Variants in KCNH7 observed in about 807,000 individuals in gnomAD.
The protein encoded by KCNH7 is potassium voltage-gated channel subfamily H member 7.
A neutral mutation model predicts 120.8 loss-of-function variants in KCNH7; 49 were observed. That is an observed-to-expected ratio of 0.41 (90% CI 0.32 to 0.51). The LOEUF is 0.51. Among genes scored for constraint, KCNH7 ranks in the 20% least tolerant of loss-of-function variants. KCNH7 has a pLI of 0.38. For synonymous variants in KCNH7, 547 were observed against 516.1 expected (o/e 1.06, Z -0.81); for missense variants, 1,097 against 1,446.6 (o/e 0.76, Z 3.92).
intron 2 of KCNH7, among the ~76,000 whole-genome samples, chr2:162,763,025 G>A (rs1689019602): frequency 6.6e-6 from 1 of 152,066 alleles, no homozygotes; most frequent in Non-Finnish European, 1.5e-5. Context: ...GGATAGAACA[G>A]AGATAATGAG....
chr2:162,486,744 T>A (rs1690108898), intron 6 of KCNH7, among the ~76,000 whole-genome samples: 1 of 152,148 alleles, frequency 6.6e-6, no homozygotes, highest in Admixed American at 6.6e-5. Flanking sequence ...TCCTAAAAAA[T>A]CACCCCCATA....
rs114597562 is a variant in KCNH7, at chr2:162,717,442, G to C, written c.307+119095C>G. Among the ~76,000 whole-genome samples the C allele has an allele frequency of 8.8e-3, 1,343 of 152,154 alleles. 8 individuals carry two copies. The highest frequency in any genetic ancestry group is 0.014 in the Non-Finnish European group (930 of 67,954). ...TTTCCAAACTCCATGCTAAGGAAAG[G>C]TCCATCTCTCTTATCACCAGCCTCC... On this transcript the variant is annotated intron_variant, in intron 2 of 15. Coordinates refer to ENST00000332142, the MANE Select transcript of KCNH7 (RefSeq NM_033272.4).
Position 162,394,480 on chromosome 2 carries a change from A to G in KCNH7, c.2619T>C (p.Asp873=). Residue 873 remains aspartate, a synonymous_variant, in exon 12 of 16, where the codon GAT becomes GAC. Coordinates refer to ENST00000332142, the MANE Select transcript of KCNH7 (RefSeq NM_033272.4). ...CATTCATGGATTGTGATCGTAGGAGATCAGCCTTTGTTAATGGAACATGAA... is the reference window on the plus strand; with the variant it reads ...CATTCATGGATTGTGATCGTAGGAGGTCAGCCTTTGTTAATGGAACATGAA... ...FNLRHESAKA[D]LLRSQSMNDS... 6.3e-7 allele frequency: 1 copy of G among 1,586,882 alleles called. No individual in the cohort carries two copies. Among genetic ancestry groups the G allele is most frequent in the South Asian group, 1.1e-5 (1 of 90,192 alleles).
chr2:162,466,808 T>C (rs1157796298), intron 6 of KCNH7, among the ~76,000 whole-genome samples: 4 of 152,186 alleles, frequency 2.6e-5, no homozygotes, highest in Non-Finnish European at 1.5e-5. Context: ...AAGAACAATT[T>C]AATTGGACAC....
intron 3 of KCNH7, among the ~76,000 whole-genome samples, chr2:162,518,806 TTC>T (rs2105787156): frequency 6.7e-6 from 1 of 149,570 alleles, no homozygotes; most frequent in East Asian, 2.0e-4. Context: ...TTTTCCTGTT[TTC>T]TGTTTTTTTT....
At chr2:162,607,953 C>T (rs188333518) in intron 2 of KCNH7, among the ~76,000 whole-genome samples, 82 of 152,204 alleles carry the variant, frequency 5.4e-4, no homozygotes, top group Non-Finnish European at 8.5e-4. Context: ...AACATCGCTG[C>T]CTTATGAGTT....
At chr2:162,671,338 T>A (rs1685345710) in intron 2 of KCNH7, among the ~76,000 whole-genome samples, 1 of 151,642 alleles carries the variant, frequency 6.6e-6, no homozygotes, top group African/African-American at 2.4e-5. Flanking sequence ...GGATGAAAAA[T>A]GTGGACTATA....
At chr2:162,660,030 C>T (rs1206969932) in intron 2 of KCNH7, among the ~76,000 whole-genome samples, 1 of 151,956 alleles carries the variant, frequency 6.6e-6, no homozygotes, top group African/African-American at 2.4e-5. Flanking sequence ...TGTAGTTAGC[C>T]TGCCTAGAGG....
chr2:162,587,381 A>T (rs570607397), intron 2 of KCNH7, among the ~76,000 whole-genome samples: 1 of 152,236 alleles, frequency 6.6e-6, no homozygotes, highest in East Asian at 1.9e-4. Flanking sequence ...AGTCTCTATG[A>T]CATCAACTCA....
In KCNH7 at chr2:162,446,261, T is replaced by C. The variant is rs113426481; in HGVS notation, c.1311A>G (p.Glu437=). The C allele has an allele frequency of 6.2e-7, 1 of 1,613,880 alleles. No homozygotes were observed. The highest frequency in any genetic ancestry group is 8.5e-7 in the Non-Finnish European group (1 of 1,179,908). ...AGCCACATTCTCGTCTTTTCTGTTC[T>C]TCTCTGTCATTGAGGAGGAAGGCTG... is the stretch of plus-strand genomic sequence containing the variant. ...YSAAFLLNDR[E]EQKRRECGYS... is the part of the protein sequence containing the mutation. The change falls in exon 7 of 16, where the codon GAA becomes GAG. Residue 437 remains glutamate (E), a synonymous_variant. Coordinates refer to ENST00000332142, the MANE Select transcript of KCNH7 (RefSeq NM_033272.4).
intron 1 of KCNH7, among the ~76,000 whole-genome samples, chr2:162,837,757 T>G (rs1685714095): frequency 6.6e-6 from 1 of 152,210 alleles, no homozygotes; most frequent in African/African-American, 2.4e-5. Context: ...GCATTCAGTC[T>G]TTGTGGGATT....
At chr2:162,470,426 C>T (rs891628165) in intron 6 of KCNH7, among the ~76,000 whole-genome samples, 2 of 145,662 alleles carry the variant, frequency 1.4e-5, no homozygotes, top group African/African-American at 4.9e-5. Flanking sequence ...AGACCCTACG[C>T]CCGGCAGCCG....
chr2:162,568,206 G>C (rs1693326274), intron 2 of KCNH7, among the ~76,000 whole-genome samples: 1 of 151,832 alleles, frequency 6.6e-6, no homozygotes, highest in Non-Finnish European at 1.5e-5. Context: ...GAACAACATG[G>C]GGGGAACCAC....
rs140686482 is a variant in KCNH7, at chr2:162,804,478, T to C, written c.307+32059A>G. On this transcript the variant is annotated intron_variant, in intron 2 of 15. Transcript: ENST00000332142. ...ATGAAGAACTTAATCTCTTTTACGA[T>C]AGCTGCAACAAAACAAAACAAAATA... 2.6e-4 allele frequency among the ~76,000 whole-genome samples: 39 copies of C among 151,788 alleles called. No individual in the cohort carries two copies. In the East Asian group the frequency reaches 7.5e-3, roughly 29 times the overall value.
chr2:162,630,817 G>A (rs1683740585), intron 2 of KCNH7, among the ~76,000 whole-genome samples: 1 of 152,074 alleles, frequency 6.6e-6, no homozygotes, highest in African/African-American at 2.4e-5. Context: ...CATTAAGGAT[G>A]GAGGTGGGCT....
chr2:162,654,355 T>C (rs187879485), intron 2 of KCNH7, among the ~76,000 whole-genome samples: 1 of 151,154 alleles, frequency 6.6e-6, no homozygotes, highest in East Asian at 1.9e-4. Flanking sequence ...TAGAAATTAC[T>C]CAAAAAAAAA....
At chr2:162,490,626 C>T (rs1191321399) in intron 6 of KCNH7, among the ~76,000 whole-genome samples, 1 of 152,150 alleles carries the variant, frequency 6.6e-6, no homozygotes, top group African/African-American at 2.4e-5. Context: ...CAGCACCAAA[C>T]CTCTTGTGAG....
rs112033211 is a variant in KCNH7, at chr2:162,611,994, G to A, written c.308-74914C>T. ...TTTGGAATAGTCCGGATCACACAGCGTATGACCAATATAAAGGATAGAATT... is the reference window on the plus strand; with the variant it reads ...TTTGGAATAGTCCGGATCACACAGCATATGACCAATATAAAGGATAGAATT... On this transcript the variant is annotated intron_variant, in intron 2 of 15. Coordinates refer to ENST00000332142, the MANE Select transcript of KCNH7 (RefSeq NM_033272.4). Among the ~76,000 whole-genome samples, 576 of 152,264 alleles carry A rather than the reference G, an allele frequency of 3.8e-3. 3 individuals are homozygous for A. The highest frequency in any genetic ancestry group is 0.013 in the African/African-American group (524 of 41,564).
intron 12 of KCNH7, among the ~76,000 whole-genome samples, chr2:162,386,803 A>G (rs1686586725): frequency 6.6e-6 from 1 of 151,686 alleles, no homozygotes; most frequent in South Asian, 2.1e-4. Flanking sequence ...ACATGGTAGA[A>G]TGTTCTGTTT....
Sources: allele counts gnomAD v4.1 joint callset (sites outside exome capture counted in the v4.1 genomes callset), GRCh38; gene constraint gnomAD v4.1.1; transcripts MANE v1.5; gene names NCBI Gene and HGNC (gene_info 2026-07-23, HGNC 2026-07-21).